The following MGAT4C variants were observed in gnomAD, a reference collection of about 807,000 sequenced individuals.
MGAT4C encodes the protein alpha-1,3-mannosyl-glycoprotein 4-beta-N-acetylglucosaminyltransferase C.
Under a neutral mutation model 40.1 loss-of-function variants are expected in MGAT4C, and 19 were observed. The observed-to-expected ratio is 0.47, with a 90% CI of 0.33 to 0.70. MGAT4C has a LOEUF of 0.70. MGAT4C is among the 30% of genes least tolerant of loss of function. The pLI is 0.02. For missense variants in MGAT4C, 491 were observed against 563.2 expected (o/e 0.87, Z 1.30); for synonymous variants, 181 against 187.1 (o/e 0.97, Z 0.27).
intron 2 of MGAT4C, among the ~76,000 whole-genome samples, chr12:85,993,022 G>C (rs1886143291): frequency 6.6e-6 from 1 of 152,166 alleles, no homozygotes; most frequent in Admixed American, 6.5e-5. Flanking sequence ...CTTCGTTTTA[G>C]GCAGGTCCCA....
intron 3 of MGAT4C, among the ~76,000 whole-genome samples, chr12:86,430,129 T>G (rs1489330159): frequency 1.3e-5 from 2 of 152,176 alleles, no homozygotes; most frequent in African/African-American, 4.8e-5. Context: ...TCTATATCTT[T>G]GTCTAACTTC....
intron 2 of MGAT4C, among the ~76,000 whole-genome samples, chr12:86,604,081 G>T (rs1961954353): frequency 6.6e-6 from 1 of 151,894 alleles, no homozygotes; most frequent in Admixed American, 6.6e-5. Flanking sequence ...TGAACAGAAG[G>T]GGATTCTGCC....
chr12:86,129,359 G>A (rs1450123363), intron 1 of MGAT4C, among the ~76,000 whole-genome samples: 2 of 152,108 alleles, frequency 1.3e-5, no homozygotes, highest in East Asian at 1.9e-4. Flanking sequence ...GAGATTATCT[G>A]TCTAGTGACC....
intron 1 of MGAT4C, among the ~76,000 whole-genome samples, chr12:86,755,642 CT>C (rs1951292841): frequency 6.8e-6 from 1 of 147,692 alleles, no homozygotes; most frequent in South Asian, 2.1e-4. Flanking sequence ...TTCCTTCCTT[CT>C]TTCCTACCTT....
intron 1 of MGAT4C, among the ~76,000 whole-genome samples, chr12:86,739,294 C>T (rs997130476): frequency 2.1e-5 from 3 of 140,536 alleles, no homozygotes; most frequent in Non-Finnish European, 4.7e-5. Context: ...GTTATATTTA[C>T]AAGTCTATAT....
At chr12:86,796,209 C>T (rs1338400677) in intron 1 of MGAT4C, among the ~76,000 whole-genome samples, 1 of 151,384 alleles carries the variant, frequency 6.6e-6, no homozygotes, top group Non-Finnish European at 1.5e-5. Context: ...ATTACTTCTG[C>T]ACGTGCCAGG....
intron 2 of MGAT4C, among the ~76,000 whole-genome samples, chr12:86,455,186 C>A (rs1259476371): frequency 1.3e-5 from 2 of 152,084 alleles, no homozygotes; most frequent in Non-Finnish European, 2.9e-5. Flanking sequence ...AAATTAGTTT[C>A]TGTTCTATTC....
rs138657591 is a variant in MGAT4C at position 86,707,851 on chromosome 12, C to T, written c.-229+19358G>A. On this transcript the variant is annotated intron_variant, in intron 2 of 7. Transcript: ENST00000548651. ...TGACTTGGCAGGAGAAGTTTTTAAG[C>T]AGCAAAACATTCAAGATGTGACTTG... Among the ~76,000 whole-genome samples, 284 of 152,220 alleles carry T rather than the reference C, an allele frequency of 1.9e-3. 1 individual carries two copies. The highest frequency in any genetic ancestry group is 6.7e-3 in the African/African-American group (278 of 41,562).
At chr12:86,207,670 G>A (rs1261908949) in intron 1 of MGAT4C, among the ~76,000 whole-genome samples, 1 of 152,080 alleles carries the variant, frequency 6.6e-6, no homozygotes, top group Non-Finnish European at 1.5e-5. Flanking sequence ...TATAAATACA[G>A]CAAATAATTT....
At chr12:86,459,480 A>AG (rs1467490857) in intron 2 of MGAT4C, among the ~76,000 whole-genome samples, 2 of 152,070 alleles carry the variant, frequency 1.3e-5, no homozygotes, top group East Asian at 3.9e-4. Flanking sequence ...GGTGGCCACT[A>AG]GTAGCTGAGA....
At chr12:86,517,594 T>C (rs1470435083) in intron 2 of MGAT4C, among the ~76,000 whole-genome samples, 6 of 152,160 alleles carry the variant, frequency 3.9e-5, no homozygotes, top group Non-Finnish European at 8.8e-5. Flanking sequence ...AAAATAGGTT[T>C]TGAGAGCAGA....
At chr12:86,406,160 A>G (rs943214737) in intron 3 of MGAT4C, among the ~76,000 whole-genome samples, 3 of 150,428 alleles carry the variant, frequency 2.0e-5, no homozygotes, top group African/African-American at 7.3e-5. Flanking sequence ...AATATAAAGC[A>G]TAAGTAAAAA....
At chr12:86,216,725 T>A (rs1226579682) in intron 1 of MGAT4C, among the ~76,000 whole-genome samples, 1 of 152,196 alleles carries the variant, frequency 6.6e-6, no homozygotes, top group African/African-American at 2.4e-5. Context: ...CTAACCTGAA[T>A]ACTTTTCAAG....
chr12:86,027,926 A>T (rs1004578240), intron 2 of MGAT4C, among the ~76,000 whole-genome samples: 1 of 151,952 alleles, frequency 6.6e-6, no homozygotes, highest in Non-Finnish European at 1.5e-5. Context: ...ATTTATCATC[A>T]GTATAAAATA....
At chr12:86,522,546 G>C (rs192950273) in intron 2 of MGAT4C, among the ~76,000 whole-genome samples, 1 of 152,266 alleles carries the variant, frequency 6.6e-6, no homozygotes, top group Admixed American at 6.5e-5. Flanking sequence ...AAGGGTGTCA[G>C]TCTGAAGTTT....
intron 4 of MGAT4C, among the ~76,000 whole-genome samples, chr12:86,331,351 A>C (rs1269686404): frequency 6.6e-6 from 1 of 152,060 alleles, no homozygotes; most frequent in South Asian, 2.1e-4. Flanking sequence ...AGTTATACGC[A>C]TGTACAACTG....
intron 2 of MGAT4C, among the ~76,000 whole-genome samples, chr12:86,492,340 T>G (rs910307673): frequency 1.3e-5 from 2 of 152,062 alleles, no homozygotes; most frequent in African/African-American, 4.8e-5. Context: ...CATTGCCAAG[T>G]CAATCCTAAG....
intron 1 of MGAT4C, among the ~76,000 whole-genome samples, chr12:86,164,090 T>C (rs1018203899): frequency 6.6e-6 from 1 of 152,148 alleles, no homozygotes; most frequent in African/African-American, 2.4e-5. Flanking sequence ...GTGAGTGAAA[T>C]ATAAGAATGT....
chr12:86,349,121 T>C (rs1204690449), intron 3 of MGAT4C, among the ~76,000 whole-genome samples: 4 of 152,150 alleles, frequency 2.6e-5, no homozygotes, highest in Non-Finnish European at 5.9e-5. Context: ...TTTACAGATA[T>C]GTGGTAACCA....
Sources: gnomAD v4.1 joint callset for allele counts (sites outside exome capture counted in the v4.1 genomes callset) on GRCh38, gnomAD v4.1.1 for gene constraint, MANE v1.5 for transcripts, NCBI Gene and HGNC (gene_info 2026-07-23, HGNC 2026-07-21) for gene names.